LAMC1: variants seen among roughly 807,000 people sequenced by gnomAD.
LAMC1 encodes the protein laminin subunit gamma 1, also known as laminin subunit gamma-1.
LAMC1 carries 38 observed loss-of-function variants against 173.6 expected under a neutral mutation model. That is an observed-to-expected ratio of 0.22 (90% CI 0.17 to 0.29). LAMC1 has a LOEUF of 0.29. Among genes scored for constraint, LAMC1 ranks in the 10% least tolerant of loss-of-function variants. LAMC1 has a pLI of 1.00. For missense variants in LAMC1, 1,824 were observed against 2,051.8 expected (o/e 0.89, Z 2.14); for synonymous variants, 746 against 749.1 (o/e 1.00, Z 0.07).
chr1:183,141,256 C>T lies in LAMC1; in HGVS notation c.4573+753C>T, dbSNP rs902380768. 3.3e-5 allele frequency: 5 copies of T among 152,268 alleles called. No individual in the cohort carries two copies. In the East Asian group the frequency reaches 9.6e-4, roughly 29 times the overall value. 9.4% of individuals were successfully genotyped at this position (152,268 alleles called of 1,614,324 possible). ...CACTTGAGTTTGAGGTGATAGTGAG[C>T]TGTTATCGTGCCACTGCACTCCACC... On this transcript the variant is annotated intron_variant, in intron 27 of 27. Transcript: ENST00000258341.
At chr1:183,137,959 G>A (rs1161658263) in intron 26 of LAMC1, 132 bp downstream of exon 26, 1 of 846,974 alleles carries the variant, frequency 1.2e-6, no homozygotes, top group Non-Finnish European at 1.7e-6. Flanking sequence ...GTCAAGAATT[G>A]GGTTAGTAGC....
chr1:183,043,001 G>T (rs957133805), intron 1 of LAMC1, among the ~76,000 whole-genome samples: 3 of 152,188 alleles, frequency 2.0e-5, no homozygotes, highest in Non-Finnish European at 2.9e-5. Context: ...TGTCTTTTAG[G>T]AATGAGAGTT....
At chr1:183,042,994 C>CT (rs1237762036) in intron 1 of LAMC1, among the ~76,000 whole-genome samples, 1 of 152,200 alleles carries the variant, frequency 6.6e-6, no homozygotes, top group Non-Finnish European at 1.5e-5. Flanking sequence ...ATCCAGATGT[C>CT]TTTTAGGAAT....
intron 23 of LAMC1, 105 bp from the exon 24 acceptor site, chr1:183,134,937 A>G: frequency 7.4e-7 from 1 of 1,346,850 alleles, no homozygotes; most frequent in South Asian, 1.2e-5. Flanking sequence ...AACAGATTTT[A>G]TGCTGGCAAG....
intron 1 of LAMC1, among the ~76,000 whole-genome samples, chr1:183,076,388 A>G (rs12077821): frequency 0.046 from 6,936 of 152,320 alleles, 341 homozygotes; most frequent in African/African-American, 0.12. Context: ...GCAGTAAGGA[A>G]CAAAAGAGTG....
intron 13 of LAMC1, among the ~76,000 whole-genome samples, chr1:183,123,746 G>A (rs976947112): frequency 1.3e-5 from 2 of 152,136 alleles, no homozygotes; most frequent in Admixed American, 6.5e-5. Context: ...TTCACCAACC[G>A]CTGCATACAC....
At chr1:183,128,902 T>G in intron 18 of LAMC1, 152 bp downstream of exon 18, 1 of 515,858 alleles carries the variant, frequency 1.9e-6, no homozygotes, top group Non-Finnish European at 3.0e-6. Flanking sequence ...AAACACTAAT[T>G]CAAAAAGCAA....
intron 2 of LAMC1, among the ~76,000 whole-genome samples, chr1:183,107,804 A>T (rs970491750): frequency 6.6e-5 from 10 of 151,944 alleles, no homozygotes; most frequent in Non-Finnish European, 1.5e-4. Flanking sequence ...CACTCCAGCC[A>T]GGGCGACAGA....
chr1:183,038,653 A>G (rs1045911549), intron 1 of LAMC1, among the ~76,000 whole-genome samples: 1 of 152,212 alleles, frequency 6.6e-6, no homozygotes, highest in Non-Finnish European at 1.5e-5. Flanking sequence ...TTTCACTGGC[A>G]GGGACTGGGA....
At chr1:183,099,604 G>A (rs1340245638) in intron 1 of LAMC1, among the ~76,000 whole-genome samples, 2 of 152,034 alleles carry the variant, frequency 1.3e-5, no homozygotes, top group Non-Finnish European at 2.9e-5. Flanking sequence ...CCCTCTGGCT[G>A]CCCCCTCATA....
Position 183,029,215 on chromosome 1 carries a change from A to G in LAMC1, c.418+5081A>G, listed in dbSNP as rs948093101. ...GTTACTATAATCTGTCCAAGACTCT[A>G]CTCTTACCTTCTATATCCAGACACT... On this transcript the variant is annotated intron_variant, in intron 1 of 27. Coordinates refer to ENST00000258341, the MANE Select transcript of LAMC1 (RefSeq NM_002293.4). 1.6e-4 allele frequency among the ~76,000 whole-genome samples: 25 copies of G among 151,962 alleles called. No homozygotes were observed. In the East Asian group the frequency reaches 4.5e-3, roughly 27 times the overall value.
chr1:183,105,632 A>AT (rs1655959223), intron 2 of LAMC1, among the ~76,000 whole-genome samples: 1 of 109,056 alleles, frequency 9.2e-6, no homozygotes, highest in South Asian at 3.7e-4. Context: ...ATGACCTTGC[A>AT]TTTAAAAAAA....
intron 1 of LAMC1, among the ~76,000 whole-genome samples, chr1:183,083,473 T>C (rs1222295506): frequency 4.6e-5 from 7 of 152,334 alleles, no homozygotes; most frequent in Admixed American, 2.6e-4. Context: ...AACTTTGGTA[T>C]AGGTACTGCT....
intron 1 of LAMC1, among the ~76,000 whole-genome samples, chr1:183,037,718 A>G (rs573946059): frequency 3.3e-5 from 5 of 152,200 alleles, no homozygotes; most frequent in African/African-American, 9.6e-5. Context: ...CTAAGGTTCA[A>G]TCAGAGGACT....
At chr1:183,035,197 A>T (rs530753338) in intron 1 of LAMC1, among the ~76,000 whole-genome samples, 3 of 152,190 alleles carry the variant, frequency 2.0e-5, no homozygotes. Context: ...TTAAAAAAAT[A>T]TATATGTTTT....
In LAMC1 at chr1:183,056,059, G is replaced by C. The variant is rs370638009; in HGVS notation, c.418+31925G>C. Among the ~76,000 whole-genome samples the C allele has an allele frequency of 6.6e-4, 101 of 152,276 alleles. No homozygotes were observed. In the South Asian group the frequency reaches 0.01, roughly 15 times the overall value. On this transcript the variant is annotated intron_variant, in intron 1 of 27. Coordinates refer to ENST00000258341, the MANE Select transcript of LAMC1 (RefSeq NM_002293.4). ...CAGTCCTCTTTCTTTAGTAAAGATG[G>C]AGTAGAACTGGCCCAGTCCCCTCTG... is the stretch of plus-strand genomic sequence containing the variant.
intron 4 of LAMC1, among the ~76,000 whole-genome samples, chr1:183,111,354 T>C (rs1656146242): frequency 2.6e-5 from 4 of 152,142 alleles, no homozygotes; most frequent in Non-Finnish European, 5.9e-5. Flanking sequence ...CCTAAAGTGC[T>C]GGGATTACAG....
At chr1:183,077,862 G>A (rs1655161215) in intron 1 of LAMC1, among the ~76,000 whole-genome samples, 1 of 150,152 alleles carries the variant, frequency 6.7e-6, no homozygotes, top group African/African-American at 2.4e-5. Context: ...ACGATTTTGC[G>A]ATTGTGAATT....
intron 13 of LAMC1, among the ~76,000 whole-genome samples, 160 bp downstream of exon 13, chr1:183,122,411 A>T (rs896671482): frequency 1.5e-4 from 23 of 152,008 alleles, no homozygotes; most frequent in African/African-American, 5.6e-4. Context: ...GTTTCCTTCC[A>T]TCTCTCTTTT....
Sources: gnomAD v4.1 joint callset for allele counts (sites outside exome capture counted in the v4.1 genomes callset) on GRCh38, gnomAD v4.1.1 for gene constraint, MANE v1.5 for transcripts, NCBI Gene and HGNC (gene_info 2026-07-23, HGNC 2026-07-21) for gene names.